TDRD3: variants seen among roughly 807,000 people sequenced by gnomAD.
TDRD3 encodes tudor domain-containing protein 3.
A neutral mutation model predicts 86.7 loss-of-function variants in TDRD3; 45 were observed. The ratio of observed to expected loss-of-function variants is 0.52; its 90% CI spans 0.41 to 0.67. The LOEUF (loss-of-function observed/expected upper bound fraction) is 0.67. TDRD3 is among the 30% of genes least tolerant of loss of function. The pLI is 0.00. For synonymous variants in TDRD3, 298 were observed against 301.7 expected (o/e 0.99, Z 0.13); for missense variants, 814 against 889.0 (o/e 0.92, Z 1.07).
chr13:60,534,952 TTG>T (rs1401489750), intron 11 of TDRD3, among the ~76,000 whole-genome samples, 154 bp from the exon 12 acceptor site: 59 of 147,150 alleles, frequency 4.0e-4, no homozygotes, highest in Non-Finnish European at 2.2e-4. Flanking sequence ...AAAAAAAGAA[TTG>T]TCTTACTAAT....
chr13:60,461,353 T>C (rs375893508), intron 4 of TDRD3, among the ~76,000 whole-genome samples: 1 of 152,284 alleles, frequency 6.6e-6, no homozygotes, highest in East Asian at 1.9e-4. Flanking sequence ...TTTGGTTATT[T>C]TAATAAGAAT....
chr13:60,443,369 TA>T (rs2137975640), intron 2 of TDRD3, among the ~76,000 whole-genome samples: 1 of 152,132 alleles, frequency 6.6e-6, no homozygotes, highest in East Asian at 1.9e-4. Flanking sequence ...ATTGAGGTTG[TA>T]AAAAGCATAA....
At chr13:60,422,201 G>A (rs1954676289) in intron 1 of TDRD3, among the ~76,000 whole-genome samples, 1 of 152,144 alleles carries the variant, frequency 6.6e-6, no homozygotes, top group Non-Finnish European at 1.5e-5. Flanking sequence ...ATTGGATAAT[G>A]AAGAGGAAAA....
At chr13:60,493,617 T>A (rs1333525285) in intron 7 of TDRD3, among the ~76,000 whole-genome samples, 1 of 152,102 alleles carries the variant, frequency 6.6e-6, no homozygotes, top group Non-Finnish European at 1.5e-5. Flanking sequence ...GAGCTGAGAT[T>A]GCACCACTGC....
chr13:60,421,425 C>T (rs890279074), intron 1 of TDRD3, among the ~76,000 whole-genome samples: 1 of 152,134 alleles, frequency 6.6e-6, no homozygotes, highest in Non-Finnish European at 1.5e-5. Flanking sequence ...CCACTGGGTC[C>T]CTCCTGTGAC....
At chr13:60,519,027 G>A (rs1957230713) in intron 10 of TDRD3, among the ~76,000 whole-genome samples, 1 of 152,032 alleles carries the variant, frequency 6.6e-6, no homozygotes, top group African/African-American at 2.4e-5. Context: ...AATCTACATT[G>A]TTTTAAATTA....
At chr13:60,565,973 G>T (rs1011826031) in intron 12 of TDRD3, among the ~76,000 whole-genome samples, 3 of 152,172 alleles carry the variant, frequency 2.0e-5, no homozygotes, top group African/African-American at 7.2e-5. Context: ...GGGATATAGG[G>T]AAAGGAAAAC....
At chr13:60,496,749 G>A (rs1272680299) in intron 8 of TDRD3, among the ~76,000 whole-genome samples, 1 of 152,054 alleles carries the variant, frequency 6.6e-6, no homozygotes, top group Admixed American at 6.6e-5. Flanking sequence ...CTATCTCCTG[G>A]CTTCAGAAGC....
chr13:60,410,647 T>A (rs896608217), intron 1 of TDRD3, among the ~76,000 whole-genome samples: 2 of 152,192 alleles, frequency 1.3e-5, no homozygotes, highest in African/African-American at 4.8e-5. Context: ...ATTTGAGTAA[T>A]AATGAGATTT....
chr13:60,570,355 G>A (rs1395496066), intron 13 of TDRD3, among the ~76,000 whole-genome samples: 1 of 152,072 alleles, frequency 6.6e-6, no homozygotes, highest in African/African-American at 2.4e-5. Flanking sequence ...CAAATACAAT[G>A]AGATATCACC....
At chr13:60,433,679 GT>G (rs1309770836) in intron 1 of TDRD3, among the ~76,000 whole-genome samples, 1 of 152,188 alleles carries the variant, frequency 6.6e-6, no homozygotes, top group Non-Finnish European at 1.5e-5. Flanking sequence ...GCTGAGCCCT[GT>G]TTTGTTTGGC....
At chr13:60,505,692 C>A (rs1956922060) in intron 8 of TDRD3, among the ~76,000 whole-genome samples, 1 of 151,974 alleles carries the variant, frequency 6.6e-6, no homozygotes, top group South Asian at 2.1e-4. Flanking sequence ...CATAAATGAC[C>A]CGATGGAATT....
At chr13:60,539,132 C>T (rs905384005) in intron 12 of TDRD3, among the ~76,000 whole-genome samples, 4 of 151,978 alleles carry the variant, frequency 2.6e-5, no homozygotes, top group Admixed American at 1.3e-4. Flanking sequence ...AAATTGTTAT[C>T]GTCTTTTAGG....
intron 1 of TDRD3, among the ~76,000 whole-genome samples, chr13:60,407,387 T>C (rs1954260458): frequency 6.6e-6 from 1 of 152,218 alleles, no homozygotes; most frequent in South Asian, 2.1e-4. Flanking sequence ...TCAAGCTTTT[T>C]GTAGAGTAGA....
chr13:60,439,518 A>G (rs1269423890), intron 1 of TDRD3, among the ~76,000 whole-genome samples, 170 bp from the exon 2 acceptor site: 1 of 152,196 alleles, frequency 6.6e-6, no homozygotes, highest in Non-Finnish European at 1.5e-5. Flanking sequence ...TGCACTGTTC[A>G]TCTCTTCTAT....
At chr13:60,463,362 C>CA (rs57195209) in intron 4 of TDRD3, among the ~76,000 whole-genome samples, 26,510 of 81,358 alleles carry the variant, frequency 0.33, 4,010 homozygotes, top group South Asian at 0.46. Flanking sequence ...AATTCTGGCT[C>CA]AAAAAAAAAA....
intron 5 of TDRD3, among the ~76,000 whole-genome samples, chr13:60,472,187 G>A (rs745422713): frequency 2.0e-5 from 3 of 151,998 alleles, no homozygotes; most frequent in Admixed American, 6.6e-5. Context: ...TTTATATGTC[G>A]AAGCATTCTT....
chr13:60,456,154 A>G (rs923686054), intron 3 of TDRD3, among the ~76,000 whole-genome samples: 1 of 152,132 alleles, frequency 6.6e-6, no homozygotes, highest in Non-Finnish European at 1.5e-5. Context: ...AAGAAAAAAA[A>G]ATTGTTTTAA....
intron 1 of TDRD3, among the ~76,000 whole-genome samples, chr13:60,431,529 A>G (rs1276492363): frequency 7.2e-5 from 11 of 151,826 alleles, no homozygotes; most frequent in Admixed American, 7.2e-4. Flanking sequence ...AAATACTGAT[A>G]TTTGACCAGT....
Sources: allele counts gnomAD v4.1 joint callset (sites outside exome capture counted in the v4.1 genomes callset), GRCh38; gene constraint gnomAD v4.1.1; transcripts MANE v1.5; gene names NCBI Gene and HGNC (gene_info 2026-07-23, HGNC 2026-07-21).